CHRNA7: variants seen among roughly 807,000 people sequenced by gnomAD.
CHRNA7 encodes the protein cholinergic receptor nicotinic alpha 7 subunit, also known as neuronal acetylcholine receptor subunit alpha-7.
CHRNA7 carries 17 observed loss-of-function variants against 48.0 expected under a neutral mutation model. The observed-to-expected ratio is 0.35, with a 90% CI of 0.24 to 0.53. The LOEUF is 0.53. CHRNA7 is among the 20% of genes least tolerant of loss of function. CHRNA7 has a pLI of 0.92. For missense variants in CHRNA7, 155 were observed against 577.7 expected, an observed-to-expected ratio of 0.27 and a Z score of 7.50; for synonymous variants, 75 against 242.3, an observed-to-expected ratio of 0.31 and a Z score of 6.41.
chr15:32,131,341 C>T (rs1052113065), intron 4 of CHRNA7, among the ~76,000 whole-genome samples: 16 of 152,034 alleles, frequency 1.1e-4, no homozygotes, highest in African/African-American at 2.4e-4. Context: ...GCTTCACACC[C>T]CTGCAGGCTG....
At chr15:32,133,590 T>G (rs2051193710) in intron 4 of CHRNA7, among the ~76,000 whole-genome samples, 1 of 152,078 alleles carries the variant, frequency 6.6e-6, no homozygotes, top group Non-Finnish European at 1.5e-5. Flanking sequence ...AAGTTGGAAT[T>G]GAAAAAAATA....
At chr15:32,045,396 C>G (rs950278041) in intron 2 of CHRNA7, among the ~76,000 whole-genome samples, 1 of 152,164 alleles carries the variant, frequency 6.6e-6, no homozygotes, top group Non-Finnish European at 1.5e-5. Flanking sequence ...CCAGCAACCA[C>G]ACATAACCTT....
chr15:32,116,958 C>T (rs1402639591), intron 4 of CHRNA7, among the ~76,000 whole-genome samples: 1 of 152,134 alleles, frequency 6.6e-6, no homozygotes, highest in South Asian at 2.1e-4. Flanking sequence ...GGAGAGGGGA[C>T]CTCTATGCAG....
At chr15:32,094,281 A>G (rs2050430486) in intron 2 of CHRNA7, among the ~76,000 whole-genome samples, 1 of 152,372 alleles carries the variant, frequency 6.6e-6, no homozygotes, top group East Asian at 1.9e-4. Context: ...ACATTGATGC[A>G]TCGCAGAATA....
intron 2 of CHRNA7, among the ~76,000 whole-genome samples, chr15:32,089,063 G>C (rs1294538894): frequency 6.6e-6 from 1 of 152,146 alleles, no homozygotes; most frequent in South Asian, 2.1e-4. Flanking sequence ...TTTACATCTA[G>C]GCTTATGATC....
intron 3 of CHRNA7, among the ~76,000 whole-genome samples, chr15:32,107,099 A>G (rs1171172150): frequency 6.6e-6 from 1 of 152,158 alleles, no homozygotes; most frequent in Non-Finnish European, 1.5e-5. Flanking sequence ...AATGGACGGG[A>G]ATAATTTTGA....
chr15:32,052,654 G>A (rs1462925775), intron 2 of CHRNA7, among the ~76,000 whole-genome samples: 2 of 152,084 alleles, frequency 1.3e-5, no homozygotes, highest in East Asian at 1.9e-4. Context: ...GCTTGAACCC[G>A]GGAGGCAGAG....
chr15:32,117,458 G>A (rs558555611), intron 4 of CHRNA7, among the ~76,000 whole-genome samples: 1 of 152,298 alleles, frequency 6.6e-6, no homozygotes, highest in African/African-American at 2.4e-5. Context: ...CTGCTACAGC[G>A]CAGATGAGCC....
intron 2 of CHRNA7, among the ~76,000 whole-genome samples, chr15:32,032,175 C>T (rs1018842273): frequency 6.6e-6 from 1 of 152,220 alleles, no homozygotes; most frequent in African/African-American, 2.4e-5. Context: ...ATGTGTTCTT[C>T]CTCCTACAGA....
intron 4 of CHRNA7, among the ~76,000 whole-genome samples, chr15:32,124,967 A>G (rs2051039399): frequency 6.6e-6 from 1 of 152,202 alleles, no homozygotes. Context: ...TTGGACTTAC[A>G]GGCTCCAGAA....
chr15:32,061,522 A>G (rs872495), intron 2 of CHRNA7, among the ~76,000 whole-genome samples: 2,970 of 152,276 alleles, frequency 0.02, 93 homozygotes, highest in African/African-American at 0.068. Context: ...TAAAAATGAG[A>G]TAAGGCCAGG....
intron 4 of CHRNA7, among the ~76,000 whole-genome samples, chr15:32,123,300 A>G (rs1414199839): frequency 2.0e-5 from 3 of 152,232 alleles, no homozygotes; most frequent in Non-Finnish European, 2.9e-5. Flanking sequence ...ACAAAATGAA[A>G]AAAAGTACAA....
At chr15:32,084,780 C>T (rs994273150) in intron 2 of CHRNA7, among the ~76,000 whole-genome samples, 2 of 151,208 alleles carry the variant, frequency 1.3e-5, no homozygotes, top group Admixed American at 6.6e-5. Flanking sequence ...GACAGGCTGG[C>T]GCTGCCTGCA....
intron 4 of CHRNA7, among the ~76,000 whole-genome samples, chr15:32,139,153 G>T (rs2051330487): frequency 6.6e-6 from 1 of 152,110 alleles, no homozygotes; most frequent in African/African-American, 2.4e-5. Flanking sequence ...ATTTCATTTG[G>T]TAATATGCAT....
intron 4 of CHRNA7, among the ~76,000 whole-genome samples, chr15:32,142,200 C>G (rs1435213881): frequency 6.6e-6 from 1 of 152,144 alleles, no homozygotes; most frequent in Non-Finnish European, 1.5e-5. Flanking sequence ...GTCATTGGTT[C>G]TGTTTATGTG....
chr15:32,104,419 C>G (rs1283489309), intron 3 of CHRNA7, among the ~76,000 whole-genome samples: 1 of 152,136 alleles, frequency 6.6e-6, no homozygotes, highest in African/African-American at 2.4e-5. Context: ...GATGTACTGT[C>G]CCAAACCCTC....
intron 4 of CHRNA7, among the ~76,000 whole-genome samples, chr15:32,120,294 A>G (rs2050945766): frequency 6.6e-6 from 1 of 152,128 alleles, no homozygotes; most frequent in Non-Finnish European, 1.5e-5. Context: ...TAAAAAGCAG[A>G]GAGATCCCCT....
intron 4 of CHRNA7, among the ~76,000 whole-genome samples, chr15:32,150,264 C>A (rs1432919810): frequency 6.6e-6 from 1 of 152,040 alleles, no homozygotes; most frequent in African/African-American, 2.4e-5. Context: ...TGCTTTGTTG[C>A]CCAGTCTGGT....
intron 3 of CHRNA7, among the ~76,000 whole-genome samples, chr15:32,107,670 A>C (rs896262866): frequency 2.6e-5 from 4 of 152,258 alleles, no homozygotes; most frequent in Admixed American, 6.5e-5. Flanking sequence ...TCGTGGCCGC[A>C]AGGGTGCGCG....
Sources: gnomAD v4.1 joint callset for allele counts (sites outside exome capture counted in the v4.1 genomes callset) on GRCh38, gnomAD v4.1.1 for gene constraint, MANE v1.5 for transcripts, NCBI Gene and HGNC (gene_info 2026-07-23, HGNC 2026-07-21) for gene names.